The following TBCEL variants were observed in gnomAD, a reference collection of about 807,000 sequenced individuals.
TBCEL encodes tubulin folding cofactor E like.
TBCEL carries 15 observed loss-of-function variants against 44.2 expected under a neutral mutation model. That is an observed-to-expected ratio of 0.34 (90% CI 0.23 to 0.52). The LOEUF (loss-of-function observed/expected upper bound fraction) is 0.52, where lower values mean the gene tolerates loss of function less well. Among genes scored for constraint, TBCEL ranks in the 20% least tolerant of loss-of-function variants. TBCEL has a pLI of 0.95. For synonymous variants in TBCEL, 171 were observed against 185.4 expected, an observed-to-expected ratio of 0.92 and a Z score of 0.63; for missense variants, 319 against 506.3, an observed-to-expected ratio of 0.63 and a Z score of 3.55.
intron 1 of TBCEL, among the ~76,000 whole-genome samples, chr11:121,027,800 C>T (rs1190007688): frequency 1.3e-5 from 2 of 152,046 alleles, no homozygotes; most frequent in Non-Finnish European, 2.9e-5. Context: ...ATTATAAATG[C>T]GTGGTGAACA....
At chr11:121,079,908 C>G (rs559299624) in intron 8 of TBCEL, among the ~76,000 whole-genome samples, 9 of 152,056 alleles carry the variant, frequency 5.9e-5, no homozygotes, top group African/African-American at 1.9e-4. Flanking sequence ...TCCACCTCCC[C>G]GGTTCAAGCA....
At chr11:121,077,162 A>T (rs560457210) in intron 8 of TBCEL, among the ~76,000 whole-genome samples, 1 of 152,020 alleles carries the variant, frequency 6.6e-6, no homozygotes, top group Admixed American at 6.6e-5. Context: ...GGCCTCATTT[A>T]TAAGTGTTCT....
chr11:121,033,099 A>G (rs1169015500), intron 1 of TBCEL, among the ~76,000 whole-genome samples: 1 of 152,192 alleles, frequency 6.6e-6, no homozygotes, highest in Non-Finnish European at 1.5e-5. Flanking sequence ...TGTAATACTA[A>G]GTCTTCTGAT....
intron 7 of TBCEL, among the ~76,000 whole-genome samples, chr11:121,058,938 T>C (rs542958508): frequency 1.3e-5 from 2 of 152,062 alleles, no homozygotes; most frequent in East Asian, 3.9e-4. Context: ...ACCACAATTA[T>C]TATCTTCTGT....
At chr11:121,058,587 G>A in intron 7 of TBCEL, 116 bp downstream of exon 7, 1 of 1,322,512 alleles carries the variant, frequency 7.6e-7, no homozygotes. Flanking sequence ...TGAGCAGACT[G>A]TGCTTGAGGG....
rs191604179 is a variant in TBCEL, at chr11:121,040,776, C to T, written c.-18+4164C>T. The stretch of plus-strand genomic sequence containing the variant: ...TTTCCAGATATGTTACTTAAGAACA[C>T]TTTACATTTCAAAAAGATGATGTAT... On this transcript the variant is annotated intron_variant, in intron 2 of 8. Transcript: ENST00000683345. 7.0e-3 allele frequency among the ~76,000 whole-genome samples: 1,061 copies of T among 152,154 alleles called. 5 individuals carry two copies. The highest frequency in any genetic ancestry group is 0.024 in the Middle Eastern group (7 of 294).
chr11:121,050,096 C>T (rs1439379303), intron 4 of TBCEL, among the ~76,000 whole-genome samples: 1 of 151,472 alleles, frequency 6.6e-6, no homozygotes, highest in East Asian at 1.9e-4. Context: ...TGTAGTTGAT[C>T]CCAGTCTTCT....
At chr11:121,034,462 G>A (rs920649667) in intron 1 of TBCEL, among the ~76,000 whole-genome samples, 3 of 152,120 alleles carry the variant, frequency 2.0e-5, no homozygotes, top group Admixed American at 6.5e-5. Context: ...TATTCTAGCC[G>A]TAGCTATGAA....
At chr11:121,081,427 G>A (rs1444382984) in intron 8 of TBCEL, among the ~76,000 whole-genome samples, 1 of 152,140 alleles carries the variant, frequency 6.6e-6, no homozygotes, top group Non-Finnish European at 1.5e-5. Context: ...CTTCAGAAGT[G>A]GGGCTTATGA....
At chr11:121,075,583 T>G (rs1423819938) in intron 8 of TBCEL, among the ~76,000 whole-genome samples, 1 of 151,976 alleles carries the variant, frequency 6.6e-6, no homozygotes, top group Non-Finnish European at 1.5e-5. Context: ...AGGTTAATAT[T>G]TTTAGTATGT....
chr11:121,063,055 G>T (rs990353533), intron 8 of TBCEL, among the ~76,000 whole-genome samples: 1 of 152,056 alleles, frequency 6.6e-6, no homozygotes, highest in Non-Finnish European at 1.5e-5. Context: ...CTACCTTCAT[G>T]GAGCTCATAT....
chr11:121,087,943 TG>T lies in TBCEL; in HGVS notation c.*848del, dbSNP rs1946242596. On this transcript the variant is annotated 3_prime_UTR_variant, in exon 9 of 9. Coordinates refer to ENST00000683345, the MANE Select transcript of TBCEL (RefSeq NM_001363644.2). ...TCAGATTCCAGAGTTCTTTTATTTT[TG>T]CTTATTGAATGTATTTCCTCATATC... 1 of 152,250 alleles carries T rather than the reference TG, an allele frequency of 6.6e-6. No individual in the cohort carries two copies. The highest frequency in any genetic ancestry group is 1.5e-5 in the Non-Finnish European group (1 of 68,042). The allele number at this position is 152,250 out of a possible 1,614,324, so 9.4% of individuals were successfully genotyped here.
intron 8 of TBCEL, among the ~76,000 whole-genome samples, chr11:121,076,700 G>A (rs887035166): frequency 2.6e-5 from 4 of 151,832 alleles, no homozygotes; most frequent in African/African-American, 4.8e-5. Flanking sequence ...ATATAGTATC[G>A]GAATAGGAGT....
chr11:121,055,773 CT>C, intron 6 of TBCEL, among the ~76,000 whole-genome samples: 1 of 151,748 alleles, frequency 6.6e-6, no homozygotes, highest in Non-Finnish European at 1.5e-5. Flanking sequence ...TAGCTTATTT[CT>C]TTTTTTATTG....
intron 2 of TBCEL, among the ~76,000 whole-genome samples, chr11:121,037,753 T>A (rs1039688502): frequency 4.6e-5 from 7 of 152,146 alleles, no homozygotes; most frequent in African/African-American, 9.7e-5. Flanking sequence ...CACCATGAGG[T>A]GCATCCTCAG....
At chr11:121,059,573 A>T (rs1945682968) in intron 7 of TBCEL, among the ~76,000 whole-genome samples, 2 of 150,446 alleles carry the variant, frequency 1.3e-5, no homozygotes. Flanking sequence ...CAAAATGATT[A>T]TATATTCTGG....
intron 4 of TBCEL, 121 bp from the exon 5 acceptor site, chr11:121,053,429 AG>A: frequency 1.3e-6 from 1 of 794,018 alleles, no homozygotes; most frequent in Non-Finnish European, 2.0e-6. Flanking sequence ...ACTAAATAAT[AG>A]GACTCCTTGA....
intron 8 of TBCEL, among the ~76,000 whole-genome samples, chr11:121,084,079 C>T (rs757566455): frequency 9.2e-5 from 14 of 152,114 alleles, no homozygotes; most frequent in South Asian, 2.1e-4. Flanking sequence ...TCTATAACAG[C>T]GTTAATCTAT....
chr11:121,086,806 A>G lies in TBCEL; in HGVS notation c.985A>G (p.Lys329Glu). 6.2e-7 allele frequency: 1 copy of G among 1,613,698 alleles called. No homozygotes were observed. Among genetic ancestry groups the G allele is most frequent in the Non-Finnish European group, 8.5e-7 (1 of 1,179,870 alleles). ...TCATGAACTGATCACTAAATATGGG[A>G]AGTTGGAGCCTTTGGCAGAAGTGGA... is the stretch of plus-strand genomic sequence containing the variant. Reference protein sequence around the residue: ...RYHELITKYGKLEPLAEVDLR... With the variant: ...RYHELITKYGELEPLAEVDLR... Residue 329 changes from lysine (K) to glutamate (E), a missense_variant, in exon 9 of 9, where the codon AAG (lysine) becomes GAG (glutamate). Coordinates refer to ENST00000683345, the MANE Select transcript of TBCEL (RefSeq NM_001363644.2).
Sources: allele counts gnomAD v4.1 joint callset (sites outside exome capture counted in the v4.1 genomes callset), GRCh38; gene constraint gnomAD v4.1.1; transcripts MANE v1.5; gene names NCBI Gene and HGNC (gene_info 2026-07-23, HGNC 2026-07-21).